CCSER1: variants seen among roughly 807,000 people sequenced by gnomAD.
The protein encoded by CCSER1 is serine-rich coiled-coil domain-containing protein 1.
Under a neutral mutation model 82.0 loss-of-function variants are expected in CCSER1, and 41 were observed. The observed-to-expected ratio is 0.50, with a 90% CI of 0.39 to 0.65. The LOEUF is 0.65. CCSER1 is among the 30% of genes least tolerant of loss of function. CCSER1 has a pLI of 0.00. For synonymous variants in CCSER1, 414 were observed against 383.9 expected (o/e 1.08, Z -0.92); for missense variants, 1,119 against 1,064.2 (o/e 1.05, Z -0.72).
At chr4:90,352,332 C>T (rs552826065) in intron 3 of CCSER1, among the ~76,000 whole-genome samples, 1 of 146,750 alleles carries the variant, frequency 6.8e-6, no homozygotes, top group South Asian at 2.2e-4. Context: ...TCAAAAAAAT[C>T]AAAAACCAAA....
chr4:91,256,758 A>T (rs1740721467), intron 10 of CCSER1, among the ~76,000 whole-genome samples: 1 of 152,210 alleles, frequency 6.6e-6, no homozygotes, highest in Admixed American at 6.5e-5. Flanking sequence ...CATAGCAAGC[A>T]TGTTAATTAG....
chr4:91,155,686 T>C (rs1165685504), intron 10 of CCSER1, among the ~76,000 whole-genome samples: 2 of 152,008 alleles, frequency 1.3e-5, no homozygotes, highest in East Asian at 1.9e-4. Flanking sequence ...TGAAAATACA[T>C]GGTTAATTAT....
intron 6 of CCSER1, among the ~76,000 whole-genome samples, chr4:90,657,757 T>C (rs527291790): frequency 6.6e-6 from 1 of 152,330 alleles, no homozygotes; most frequent in South Asian, 2.1e-4. Context: ...TTTCATCTTG[T>C]CATGTAATTT....
intron 10 of CCSER1, among the ~76,000 whole-genome samples, chr4:91,236,464 C>T (rs561397118): frequency 4.8e-4 from 73 of 152,106 alleles, no homozygotes; most frequent in African/African-American, 1.7e-3. Context: ...GCCTGGGTGA[C>T]AGAGCAAGAC....
intron 6 of CCSER1, among the ~76,000 whole-genome samples, chr4:90,684,951 C>T (rs1734542689): frequency 6.6e-6 from 1 of 152,146 alleles, no homozygotes; most frequent in South Asian, 2.1e-4. Context: ...ACTGTAAGTC[C>T]ATTAATCCCT....
intron 1 of CCSER1, among the ~76,000 whole-genome samples, chr4:90,295,420 T>C (rs1731680909): frequency 6.6e-6 from 1 of 152,068 alleles, no homozygotes; most frequent in African/African-American, 2.4e-5. Flanking sequence ...GCTCGTAATG[T>C]TGATTAGTGA....
intron 10 of CCSER1, among the ~76,000 whole-genome samples, chr4:91,256,863 G>A (rs1422567812): frequency 6.6e-6 from 1 of 152,126 alleles, no homozygotes; most frequent in African/African-American, 2.4e-5. Flanking sequence ...TCTTCTTCTT[G>A]GGAAGAAATC....
chr4:90,132,443 GA>G (rs1353412139), intron 1 of CCSER1, among the ~76,000 whole-genome samples: 1 of 152,056 alleles, frequency 6.6e-6, no homozygotes, highest in Non-Finnish European at 1.5e-5. Context: ...GAGAAGCAGT[GA>G]AAAAAGATGG....
At chr4:91,277,611 C>T (rs1375040053) in intron 10 of CCSER1, among the ~76,000 whole-genome samples, 1 of 128,722 alleles carries the variant, frequency 7.8e-6, no homozygotes, top group Non-Finnish European at 1.7e-5. Flanking sequence ...TATCTATTTA[C>T]TTATCTTTTT....
chr4:91,381,188 T>C (rs1750862384), intron 10 of CCSER1, among the ~76,000 whole-genome samples: 1 of 152,326 alleles, frequency 6.6e-6, no homozygotes, highest in South Asian at 2.1e-4. Context: ...CATTTTTTCC[T>C]TCATTTCAAC....
chr4:90,860,944 G>A (rs1323781209), intron 8 of CCSER1, among the ~76,000 whole-genome samples: 1 of 151,324 alleles, frequency 6.6e-6, no homozygotes, highest in East Asian at 1.9e-4. Flanking sequence ...TAGTGGTGAT[G>A]GTTGAACAAC....
intron 5 of CCSER1, among the ~76,000 whole-genome samples, chr4:90,474,830 T>C (rs575414643): frequency 8.5e-5 from 13 of 152,200 alleles, no homozygotes; most frequent in Non-Finnish European, 1.8e-4. Context: ...AAGTTAAATA[T>C]AGTTATTAAA....
At chr4:90,291,584 C>T (rs921111536) in intron 1 of CCSER1, among the ~76,000 whole-genome samples, 2 of 152,000 alleles carry the variant, frequency 1.3e-5, no homozygotes, top group Non-Finnish European at 1.5e-5. Flanking sequence ...TTGATGCAGT[C>T]CCATAGTCTC....
At chr4:91,056,040 CTTT>C (rs1156551227) in intron 9 of CCSER1, among the ~76,000 whole-genome samples, 6 of 151,942 alleles carry the variant, frequency 3.9e-5, no homozygotes, top group Non-Finnish European at 8.8e-5. Flanking sequence ...TCTTTGGTTA[CTTT>C]TTAAGTTTTT....
intron 10 of CCSER1, among the ~76,000 whole-genome samples, chr4:91,438,852 A>C (rs1367900161): frequency 6.6e-6 from 1 of 152,218 alleles, no homozygotes; most frequent in Non-Finnish European, 1.5e-5. Flanking sequence ...CTCAGGAGCC[A>C]ATGCGATCAA....
chr4:90,582,733 C>T (rs1781539320), intron 5 of CCSER1, among the ~76,000 whole-genome samples: 2 of 152,122 alleles, frequency 1.3e-5, no homozygotes, highest in African/African-American at 2.4e-5. Flanking sequence ...CTGTAGGAGA[C>T]ATGGATATTT....
At chr4:91,310,167 G>A (rs1285812225) in intron 10 of CCSER1, among the ~76,000 whole-genome samples, 1 of 151,864 alleles carries the variant, frequency 6.6e-6, no homozygotes, top group Non-Finnish European at 1.5e-5. Flanking sequence ...ACACTCTTAT[G>A]CCACATCCCG....
chr4:91,444,743 C>G (rs1263467530), intron 10 of CCSER1, among the ~76,000 whole-genome samples: 1 of 152,212 alleles, frequency 6.6e-6, no homozygotes, highest in East Asian at 1.9e-4. Flanking sequence ...AACCACCACA[C>G]CCAGCCTCTT....
intron 10 of CCSER1, among the ~76,000 whole-genome samples, chr4:91,484,045 G>T (rs1578584659): frequency 1.7e-5 from 2 of 118,372 alleles, no homozygotes. Context: ...GTCTTATTCT[G>T]CCTATTCTCT....
Sources: allele counts gnomAD v4.1 joint callset (sites outside exome capture counted in the v4.1 genomes callset), GRCh38; gene constraint gnomAD v4.1.1; transcripts MANE v1.5; gene names NCBI Gene and HGNC (gene_info 2026-07-23, HGNC 2026-07-21).